The following FAR2 variants were observed in gnomAD, a reference collection of about 807,000 sequenced individuals.
The protein encoded by FAR2 is epididymis secretory protein Li 81.
Under a neutral mutation model 56.0 loss-of-function variants are expected in FAR2, and 19 were observed. The ratio of observed to expected loss-of-function variants is 0.34; its 90% CI spans 0.24 to 0.50. FAR2 has a LOEUF of 0.50. FAR2 is among the 20% of genes least tolerant of loss of function. The probability of loss-of-function intolerance (pLI) is 0.98; values close to 1 mark genes in which losing one functional copy is unlikely to be tolerated. For missense variants in FAR2, 508 were observed against 642.2 expected (o/e 0.79, Z 2.26); for synonymous variants, 219 against 218.8 (o/e 1.00, Z -0.01).
intron 1 of FAR2, among the ~76,000 whole-genome samples, chr12:29,269,484 C>T (rs1468118482): frequency 6.6e-6 from 1 of 152,102 alleles, no homozygotes; most frequent in African/African-American, 2.4e-5. Flanking sequence ...GCAATTATTA[C>T]AGGGTCCTGA....
rs1176564538 is a variant in FAR2 at position 29,316,968 on chromosome 12, C to A, written c.1083C>A (p.Ala361=). 1 of 1,614,000 alleles carries A rather than the reference C, an allele frequency of 6.2e-7. No homozygotes were observed. The highest frequency in any genetic ancestry group is 8.5e-7 in the Non-Finnish European group (1 of 1,179,924). ...YWNAVSHRAP[A]IIYDCYLRLT... ...ATGCGGTCAGCCACCGGGCCCCTGCCATTATCTATGACTGCTATCTGCGGC... is the reference window on the plus strand; with the variant it reads ...ATGCGGTCAGCCACCGGGCCCCTGCAATTATCTATGACTGCTATCTGCGGC... Residue 361 remains alanine (A), a synonymous_variant, in exon 9 of 12, where the codon GCC becomes GCA. Coordinates refer to ENST00000536681, the MANE Select transcript of FAR2 (RefSeq NM_001271783.2).
At chr12:29,266,868 A>G (rs1188071234) in intron 1 of FAR2, among the ~76,000 whole-genome samples, 1 of 152,172 alleles carries the variant, frequency 6.6e-6, no homozygotes, top group Admixed American at 6.6e-5. Context: ...CATACCTTGC[A>G]AAACTGTGTC....
At chr12:29,281,357 G>A (rs1404536783) in intron 2 of FAR2, 2 of 152,160 alleles carry the variant, frequency 1.3e-5, no homozygotes, top group African/African-American at 4.8e-5. Flanking sequence ...TCCTACACTG[G>A]GAGTGGGGAA....
intron 7 of FAR2, 132 bp downstream of exon 7, chr12:29,311,278 T>C (rs185832382): frequency 7.7e-6 from 5 of 650,990 alleles, no homozygotes; most frequent in African/African-American, 1.8e-5. Context: ...CAATATTTTA[T>C]AGAGTTCCTA....
intron 9 of FAR2, among the ~76,000 whole-genome samples, chr12:29,321,118 T>G (rs1456707833): frequency 1.3e-5 from 2 of 152,082 alleles, no homozygotes; most frequent in Non-Finnish European, 2.9e-5. Flanking sequence ...CCACTATGAT[T>G]GACAACTGCT....
At chr12:29,263,901 C>T (rs1049221422) in intron 1 of FAR2, among the ~76,000 whole-genome samples, 7 of 151,924 alleles carry the variant, frequency 4.6e-5, no homozygotes, top group African/African-American at 1.7e-4. Flanking sequence ...AAATACTAAT[C>T]CTACTCAAAG....
chr12:29,315,751 A>G (rs10771514), intron 8 of FAR2, among the ~76,000 whole-genome samples: 95,726 of 152,084 alleles, frequency 0.63, 31,402 homozygotes, highest in African/African-American at 0.82. Flanking sequence ...CTGAATTACC[A>G]TTTGGTTAGA....
rs12812483 is a variant in FAR2, at chr12:29,168,333, A to G, written c.-39+18926A>G. 7.6e-3 allele frequency among the ~76,000 whole-genome samples: 1,156 copies of G among 152,286 alleles called. 7 individuals are homozygous for G. Among genetic ancestry groups the G allele is most frequent in the Middle Eastern group, 0.034 (10 of 294 alleles). On this transcript the variant is annotated intron_variant, in intron 1 of 11. Transcript: ENST00000536681. ...TCTTAGCAAATGTCAAATTACCCTG[A>G]TGATATTTCTGGTCAGCTCATTTCT... is the stretch of plus-strand genomic sequence containing the variant.
At chr12:29,317,065 C>A (rs1949463153) in intron 9 of FAR2, 53 bp downstream of exon 9, 1 of 1,532,880 alleles carries the variant, frequency 6.5e-7, no homozygotes, top group Non-Finnish European at 8.8e-7. Flanking sequence ...GAGATTAAGG[C>A]CCCAAAATCT....
At chr12:29,302,554 G>A (rs1220588993) in intron 4 of FAR2, among the ~76,000 whole-genome samples, 1 of 152,172 alleles carries the variant, frequency 6.6e-6, no homozygotes, top group African/African-American at 2.4e-5. Flanking sequence ...TAGAGATCAA[G>A]CTGGAGGGGA....
Position 29,333,836 on chromosome 12 carries a change from C to T in FAR2, c.*42C>T, listed in dbSNP as rs1302759898. On this transcript the variant is annotated 3_prime_UTR_variant, in exon 12 of 12. Coordinates refer to ENST00000536681, the MANE Select transcript of FAR2 (RefSeq NM_001271783.2). The stretch of plus-strand genomic sequence containing the variant: ...CTTTTTATCTGGAACCTCTCAGATA[C>T]CTCTAAAACAGCAAACTGTGATTCT... 2 of 1,553,272 alleles carry T rather than the reference C, an allele frequency of 1.3e-6. No homozygotes were observed. The highest frequency in any genetic ancestry group is 2.7e-5 in the African/African-American group (2 of 72,944).
rs376377525 is a variant in FAR2, at chr12:29,199,371, G to A, written c.-39+49964G>A. Among the ~76,000 whole-genome samples, 14 of 152,084 alleles carry A rather than the reference G, an allele frequency of 9.2e-5. No homozygotes were observed. In the East Asian group the frequency reaches 2.1e-3, roughly 23 times the overall value. ...TCCCAGCACTTTGGGAGGCCGAGGC[G>A]GGTGGATCACGAGGTCAGGAGTTTG... On this transcript the variant is annotated intron_variant, in intron 1 of 11. Transcript: ENST00000536681.
chr12:29,175,291 G>A (rs1188273572), intron 1 of FAR2, among the ~76,000 whole-genome samples: 4 of 152,150 alleles, frequency 2.6e-5, no homozygotes, highest in East Asian at 1.9e-4. Context: ...GCGGACCTTC[G>A]TGGTGAGTGT....
At chr12:29,284,484 T>C (rs553709838) in intron 2 of FAR2, among the ~76,000 whole-genome samples, 19 of 152,342 alleles carry the variant, frequency 1.2e-4, no homozygotes, top group Admixed American at 1.2e-3. Context: ...TGGAAAAATC[T>C]GAATTACTCA....
chr12:29,297,711 G>T (rs1446041057), intron 4 of FAR2, among the ~76,000 whole-genome samples: 1 of 152,144 alleles, frequency 6.6e-6, no homozygotes, highest in Non-Finnish European at 1.5e-5. Context: ...TTATTGCAGT[G>T]CTAGGGAGTG....
intron 4 of FAR2, among the ~76,000 whole-genome samples, chr12:29,302,565 G>A (rs902543794): frequency 1.3e-5 from 2 of 152,016 alleles, no homozygotes; most frequent in African/African-American, 2.4e-5. Context: ...CTGGAGGGGA[G>A]GATGGGCCAT....
rs533152248 is a variant in FAR2, at chr12:29,274,974, G to C, written c.189+4336G>C. On this transcript the variant is annotated intron_variant, in intron 2 of 11. Coordinates refer to ENST00000536681, the MANE Select transcript of FAR2 (RefSeq NM_001271783.2). ...CGCATGAAATTTGGTGCCGTGACTCGGATCGGGGGACCTCCCTGGGAGATC... is the reference window on the plus strand; with the variant it reads ...CGCATGAAATTTGGTGCCGTGACTCCGATCGGGGGACCTCCCTGGGAGATC... Among the ~76,000 whole-genome samples, 17 of 7,000 alleles carry C rather than the reference G, an allele frequency of 2.4e-3. No individual in the cohort carries two copies. The South Asian group carries it at 0.13, about 53-fold the overall frequency. The allele number at this position is 7,000 out of a possible 152,430, so 4.6% of individuals were successfully genotyped here. A position where few individuals can be genotyped will look rare whatever the true frequency, so the allele number is the denominator to read the frequency against.
At chr12:29,323,316 T>G (rs1949583940) in intron 10 of FAR2, among the ~76,000 whole-genome samples, 1 of 152,224 alleles carries the variant, frequency 6.6e-6, no homozygotes, top group African/African-American at 2.4e-5. Context: ...GCTCCACCTC[T>G]GGGGGCAGGG....
chr12:29,173,222 G>T (rs2136589368), intron 1 of FAR2, among the ~76,000 whole-genome samples: 1 of 152,284 alleles, frequency 6.6e-6, no homozygotes, highest in Non-Finnish European at 1.5e-5. Context: ...CCCGGGTTGG[G>T]CCAAATTCCC....
Sources: allele counts gnomAD v4.1 joint callset (sites outside exome capture counted in the v4.1 genomes callset), GRCh38; gene constraint gnomAD v4.1.1; transcripts MANE v1.5; gene names NCBI Gene and HGNC (gene_info 2026-07-23, HGNC 2026-07-21).